The following AUTS2 variants were observed in gnomAD, a reference collection of about 807,000 sequenced individuals.
The protein encoded by AUTS2 is activator of transcription and developmental regulator AUTS2.
Under a neutral mutation model 112.4 loss-of-function variants are expected in AUTS2, and 17 were observed. The observed-to-expected ratio is 0.15, with a 90% CI of 0.10 to 0.23. The LOEUF is 0.23. AUTS2 is among the 10% of genes least tolerant of loss of function. AUTS2 has a pLI of 1.00. For missense variants in AUTS2, 1,510 were observed against 1,701.6 expected, an observed-to-expected ratio of 0.89 and a Z score of 1.98; for synonymous variants, 751 against 702.7, an observed-to-expected ratio of 1.07 and a Z score of -1.09.
chr7:70,630,012 G>T, intron 5 of AUTS2, among the ~76,000 whole-genome samples: 1 of 152,126 alleles, frequency 6.6e-6, no homozygotes, highest in East Asian at 1.9e-4. Context: ...GGATTGAAAT[G>T]AATTTCTGTT....
At chr7:70,749,790 C>T (rs1013355100) in intron 6 of AUTS2, among the ~76,000 whole-genome samples, 1 of 152,186 alleles carries the variant, frequency 6.6e-6, no homozygotes, top group South Asian at 2.1e-4. Context: ...GAGAAGTCAT[C>T]GCCAAAGGAT....
chr7:69,902,007 G>C (rs1305979476), intron 2 of AUTS2, among the ~76,000 whole-genome samples: 2 of 152,134 alleles, frequency 1.3e-5, no homozygotes, highest in African/African-American at 2.4e-5. Flanking sequence ...AGGTCTGAAG[G>C]TAATGCCGTT....
At chr7:70,467,628 A>G (rs1259768640) in intron 5 of AUTS2, among the ~76,000 whole-genome samples, 1 of 152,238 alleles carries the variant, frequency 6.6e-6, no homozygotes, top group Non-Finnish European at 1.5e-5. Flanking sequence ...CTTAATTCTT[A>G]TACAACCCAA....
At chr7:69,780,835 A>G (rs1213343968) in intron 1 of AUTS2, among the ~76,000 whole-genome samples, 1 of 152,308 alleles carries the variant, frequency 6.6e-6, no homozygotes, top group African/African-American at 2.4e-5. Flanking sequence ...AAAGCAAACA[A>G]CAAAATAGAC....
At chr7:70,411,245 G>A (rs776476458) in intron 4 of AUTS2, among the ~76,000 whole-genome samples, 7 of 152,176 alleles carry the variant, frequency 4.6e-5, no homozygotes, top group South Asian at 2.1e-4. Context: ...GAAGGGAGAC[G>A]TGTACCTGTA....
chr7:70,513,637 G>T (rs1799294585), intron 5 of AUTS2, among the ~76,000 whole-genome samples: 1 of 150,890 alleles, frequency 6.6e-6, no homozygotes, highest in African/African-American at 2.4e-5. Context: ...AAGCACTTTT[G>T]CCATAGAAAT....
chr7:70,223,827 G>A (rs1052948563), intron 4 of AUTS2, among the ~76,000 whole-genome samples: 1 of 151,528 alleles, frequency 6.6e-6, no homozygotes, highest in Non-Finnish European at 1.5e-5. Flanking sequence ...TGTAGTCCTC[G>A]GCTAGTGTGC....
intron 1 of AUTS2, among the ~76,000 whole-genome samples, chr7:69,678,277 G>A (rs1796649061): frequency 6.6e-6 from 1 of 151,940 alleles, no homozygotes; most frequent in African/African-American, 2.4e-5. Flanking sequence ...CAACACTACT[G>A]GCATTTTGAA....
intron 2 of AUTS2, among the ~76,000 whole-genome samples, chr7:69,943,342 T>A (rs1236243641): frequency 6.6e-6 from 1 of 152,202 alleles, no homozygotes; most frequent in Non-Finnish European, 1.5e-5. Context: ...GAGTATGTCT[T>A]CATTCTGTCA....
At chr7:70,419,366 A>C (rs1411878428) in intron 4 of AUTS2, among the ~76,000 whole-genome samples, 2 of 135,690 alleles carry the variant, frequency 1.5e-5, no homozygotes, top group Non-Finnish European at 3.1e-5. Flanking sequence ...ACTCTTGACA[A>C]GTTGCTTCAT....
At chr7:70,775,332 C>T (rs1403690827) in intron 12 of AUTS2, 25 bp from the exon 13 acceptor site, 7 of 1,608,012 alleles carry the variant, frequency 4.4e-6, no homozygotes, top group African/African-American at 2.7e-5. Flanking sequence ...AGGCATGTAA[C>T]CAAGTTGTCA....
At chr7:69,781,976 A>G (rs906698525) in intron 1 of AUTS2, among the ~76,000 whole-genome samples, 2 of 152,190 alleles carry the variant, frequency 1.3e-5, no homozygotes, top group Non-Finnish European at 2.9e-5. Context: ...GTGTTTCTGA[A>G]CCTTCAGAAT....
At chr7:70,118,105 CT>C in intron 2 of AUTS2, 26 bp from the exon 3 acceptor site, 1 of 1,570,416 alleles carries the variant, frequency 6.4e-7, no homozygotes, top group Non-Finnish European at 8.6e-7. Context: ...TAACTTTTTC[CT>C]TTTTTCTCTT....
intron 1 of AUTS2, among the ~76,000 whole-genome samples, chr7:69,655,641 A>G (rs750127055): frequency 6.6e-6 from 1 of 152,166 alleles, no homozygotes; most frequent in Non-Finnish European, 1.5e-5. Flanking sequence ...GGGGAAGGGA[A>G]GTGGAGTCCC....
chr7:70,176,109 C>T (rs999949326), intron 4 of AUTS2, among the ~76,000 whole-genome samples: 1 of 152,066 alleles, frequency 6.6e-6, no homozygotes, highest in African/African-American at 2.4e-5. Flanking sequence ...TGAAGAATCC[C>T]ATAGTCTGAT....
intron 18 of AUTS2, 70 bp downstream of exon 18, chr7:70,787,501 C>T (rs1791585710): frequency 2.6e-6 from 3 of 1,146,904 alleles, no homozygotes; most frequent in Non-Finnish European, 2.5e-6. Flanking sequence ...GTGGAACTGG[C>T]CGCCCACCCT....
intron 1 of AUTS2, among the ~76,000 whole-genome samples, chr7:69,769,121 A>T (rs2129295779): frequency 6.6e-6 from 1 of 152,360 alleles, no homozygotes; most frequent in Non-Finnish European, 1.5e-5. Flanking sequence ...GAACCATGTG[A>T]AGCTTAAAAT....
chr7:70,172,727 G>T (rs1397583154), intron 4 of AUTS2, among the ~76,000 whole-genome samples: 1 of 152,004 alleles, frequency 6.6e-6, no homozygotes, highest in African/African-American at 2.4e-5. Context: ...CAGTGCTATT[G>T]CCTGCCAAAG....
At chr7:70,103,537 A>G (rs536880843) in intron 2 of AUTS2, among the ~76,000 whole-genome samples, 212 of 152,252 alleles carry the variant, frequency 1.4e-3, no homozygotes, top group Non-Finnish European at 2.5e-3. Flanking sequence ...TGTAAAGGGG[A>G]TACATTAAAA....
Sources: gnomAD v4.1 joint callset for allele counts (sites outside exome capture counted in the v4.1 genomes callset) on GRCh38, gnomAD v4.1.1 for gene constraint, MANE v1.5 for transcripts, NCBI Gene and HGNC (gene_info 2026-07-23, HGNC 2026-07-21) for gene names.